The following SGCZ variants were observed in gnomAD, a reference collection of about 807,000 sequenced individuals.
SGCZ encodes the protein sarcoglycan zeta, also known as zeta-sarcoglycan.
SGCZ carries 40 observed loss-of-function variants against 41.3 expected under a neutral mutation model. The ratio of observed to expected loss-of-function variants is 0.97; its 90% CI spans 0.75 to 1.26. The LOEUF (loss-of-function observed/expected upper bound fraction) is 1.26. SGCZ is among the 50% of genes most tolerant of loss of function. The pLI is 0.00. For synonymous variants in SGCZ, 206 were observed against 137.5 expected (o/e 1.50, Z -3.49); for missense variants, 552 against 369.8 (o/e 1.49, Z -4.04).
intron 1 of SGCZ, among the ~76,000 whole-genome samples, chr8:15,166,994 A>G (rs147314694): frequency 6.7e-6 from 1 of 149,940 alleles, no homozygotes; most frequent in Non-Finnish European, 1.5e-5. Context: ...ACTTTTGTTT[A>G]GAAAATTGCT....
intron 1 of SGCZ, among the ~76,000 whole-genome samples, chr8:15,037,149 T>C (rs950917607): frequency 1.3e-5 from 2 of 152,126 alleles, no homozygotes; most frequent in Admixed American, 6.5e-5. Flanking sequence ...CACACAAATC[T>C]CATCATGAAT....
chr8:14,628,705 T>C (rs1385091822), intron 1 of SGCZ, among the ~76,000 whole-genome samples: 1 of 152,110 alleles, frequency 6.6e-6, no homozygotes, highest in Non-Finnish European at 1.5e-5. Context: ...AATATCAAAC[T>C]GCTTTTCATT....
At chr8:14,775,227 C>T (rs1316521825) in intron 1 of SGCZ, among the ~76,000 whole-genome samples, 1 of 151,970 alleles carries the variant, frequency 6.6e-6, no homozygotes, top group Non-Finnish European at 1.5e-5. Flanking sequence ...GAGTTGTTTC[C>T]AGACCACCCT....
intron 7 of SGCZ, among the ~76,000 whole-genome samples, chr8:14,091,090 G>C (rs1260817746): frequency 6.6e-6 from 1 of 151,844 alleles, no homozygotes; most frequent in Non-Finnish European, 1.5e-5. Flanking sequence ...TGCAGTGTTT[G>C]GTTTTCTTTT....
At chr8:14,704,632 A>G (rs932975985) in intron 1 of SGCZ, among the ~76,000 whole-genome samples, 1 of 151,988 alleles carries the variant, frequency 6.6e-6, no homozygotes, top group Non-Finnish European at 1.5e-5. Context: ...CACTTTCTCC[A>G]TCTTTAAAAG....
intron 2 of SGCZ, among the ~76,000 whole-genome samples, chr8:14,525,695 T>A (rs1433512967): frequency 2.0e-5 from 3 of 152,070 alleles, no homozygotes; most frequent in South Asian, 2.1e-4. Flanking sequence ...AGTGGGCCTT[T>A]GCAAAGAAGA....
At chr8:14,784,913 A>AAAAAAAAAAAAAAAAAT (rs1408574493) in intron 1 of SGCZ, among the ~76,000 whole-genome samples, 3 of 88,018 alleles carry the variant, frequency 3.4e-5, no homozygotes, top group African/African-American at 9.4e-5. Flanking sequence ...AAAAAAAAAA[A>AAAAAAAAAAAAAAAAAT]ATATATATAT....
chr8:14,116,518 A>G (rs1422447742), intron 5 of SGCZ, among the ~76,000 whole-genome samples: 1 of 152,116 alleles, frequency 6.6e-6, no homozygotes, highest in African/African-American at 2.4e-5. Flanking sequence ...TCACGTAAAA[A>G]CTGAAAGCCT....
At chr8:14,283,441 T>G (rs1800517909) in intron 3 of SGCZ, among the ~76,000 whole-genome samples, 1 of 152,184 alleles carries the variant, frequency 6.6e-6, no homozygotes, top group Non-Finnish European at 1.5e-5. Context: ...CATTTCCTAC[T>G]TAGAAAAATG....
At chr8:14,573,728 A>T (rs1248082682) in intron 1 of SGCZ, among the ~76,000 whole-genome samples, 1 of 152,194 alleles carries the variant, frequency 6.6e-6, no homozygotes, top group East Asian at 1.9e-4. Context: ...AAGGGTAGTA[A>T]GTTGATTTAA....
At chr8:14,840,110 GA>G in intron 1 of SGCZ, among the ~76,000 whole-genome samples, 1 of 152,060 alleles carries the variant, frequency 6.6e-6, no homozygotes, top group South Asian at 2.1e-4. Flanking sequence ...ACACCTTAAA[GA>G]AAGTAAATGT....
rs192254856 is a variant in SGCZ, at chr8:14,734,817, A to C, written c.40-179891T>G. On this transcript the variant is annotated intron_variant, in intron 1 of 7. Transcript: ENST00000382080. ...TTTTTCATCCTTCACTGTTACAATA[A>C]AAATTGTATGTAGTGGGTATTTACC... 1.1e-3 allele frequency among the ~76,000 whole-genome samples: 159 copies of C among 147,516 alleles called. 2 individuals are homozygous for C. The highest frequency in any genetic ancestry group is 3.5e-3 in the African/African-American group (137 of 39,504).
At chr8:14,745,811 C>T (rs1799325042) in intron 1 of SGCZ, among the ~76,000 whole-genome samples, 1 of 151,836 alleles carries the variant, frequency 6.6e-6, no homozygotes. Flanking sequence ...TTGATACAAC[C>T]AAGTAGGGAA....
Position 14,831,334 on chromosome 8 carries a change from A to T in SGCZ, c.40-276408T>A, listed in dbSNP as rs990915045. 1.4e-4 allele frequency among the ~76,000 whole-genome samples: 22 copies of T among 152,138 alleles called. No homozygotes were observed. The East Asian group carries it at 2.3e-3, about 16-fold the overall frequency. On this transcript the variant is annotated intron_variant, in intron 1 of 7. Coordinates refer to ENST00000382080, the MANE Select transcript of SGCZ (RefSeq NM_139167.4). ...TTCACTGTTAAATAAATAGAAGAGGACTATACTTATTCCCACACATGCAGG... is the reference window on the plus strand; with the variant it reads ...TTCACTGTTAAATAAATAGAAGAGGTCTATACTTATTCCCACACATGCAGG...
At chr8:15,153,423 C>G (rs944852128) in intron 1 of SGCZ, among the ~76,000 whole-genome samples, 2 of 152,162 alleles carry the variant, frequency 1.3e-5, no homozygotes, top group African/African-American at 4.8e-5. Flanking sequence ...GAATGCCAGA[C>G]AGCTTGCCAG....
At chr8:14,553,766 G>C (rs1334042660) in intron 2 of SGCZ, among the ~76,000 whole-genome samples, 2 of 151,924 alleles carry the variant, frequency 1.3e-5, no homozygotes, top group Non-Finnish European at 2.9e-5. Context: ...ATACCCAGTG[G>C]GGTTTAAAAA....
At chr8:14,465,562 C>G (rs1444265977) in intron 2 of SGCZ, among the ~76,000 whole-genome samples, 1 of 151,458 alleles carries the variant, frequency 6.6e-6, no homozygotes, top group Non-Finnish European at 1.5e-5. Context: ...TGCCTTGTAG[C>G]TTTTGGGTCT....
At chr8:15,062,364 A>T (rs1324803798) in intron 1 of SGCZ, among the ~76,000 whole-genome samples, 4 of 152,180 alleles carry the variant, frequency 2.6e-5, no homozygotes, top group African/African-American at 9.6e-5. Context: ...TTTTAAAATT[A>T]AAATTTAAGA....
chr8:14,261,173 C>G (rs1799653563), intron 3 of SGCZ, among the ~76,000 whole-genome samples: 1 of 152,136 alleles, frequency 6.6e-6, no homozygotes, highest in Non-Finnish European at 1.5e-5. Flanking sequence ...CACTGGATAT[C>G]TTGCCCAAGT....
Sources: allele counts gnomAD v4.1 joint callset (sites outside exome capture counted in the v4.1 genomes callset), GRCh38; gene constraint gnomAD v4.1.1; transcripts MANE v1.5; gene names NCBI Gene and HGNC (gene_info 2026-07-23, HGNC 2026-07-21).